The following RTN3 variants were observed in gnomAD, a reference collection of about 807,000 sequenced individuals.
RTN3 encodes reticulon-3.
A neutral mutation model predicts 77.8 loss-of-function variants in RTN3; 49 were observed. That is an observed-to-expected ratio of 0.63 (90% confidence interval 0.50 to 0.80). The LOEUF (loss-of-function observed/expected upper bound fraction) is 0.80, where lower values mean the gene tolerates loss of function less well. Among genes scored for constraint, RTN3 ranks in the 30% least tolerant of loss-of-function variants. The pLI, the probability that RTN3 is intolerant of heterozygous loss-of-function variation, is 0.00. For missense variants in RTN3, 1,236 were observed against 1,211.9 expected, an observed-to-expected ratio of 1.02 and a Z score of -0.29; for synonymous variants, 464 against 446.9, an observed-to-expected ratio of 1.04 and a Z score of -0.48.
In RTN3 at chr11:63,704,849, A is replaced by G; in HGVS notation, c.143-2A>G. 1 of 1,606,292 alleles carries G rather than the reference A, an allele frequency of 6.2e-7. No individual in the cohort carries two copies. Among genetic ancestry groups the G allele is most frequent in the Non-Finnish European group, 8.5e-7 (1 of 1,173,238 alleles). On this transcript the variant is annotated splice_acceptor_variant, in intron 1 of 8. Transcript: ENST00000377819. LOFTEE classifies it high-confidence loss of function. ...ATTCTCATGCTGTATATTTTCTTTC[A>G]GATTCCTTTGTTTCTTCCTCTTCCT...
intron 3 of RTN3, among the ~76,000 whole-genome samples, chr11:63,729,348 C>T (rs562422070): frequency 1.3e-5 from 2 of 148,560 alleles, no homozygotes; most frequent in African/African-American, 5.0e-5. Context: ...ATTGTAATAA[C>T]GTGTATAGAG....
intron 1 of RTN3, among the ~76,000 whole-genome samples, chr11:63,684,916 C>T (rs1281145098): frequency 3.3e-5 from 5 of 151,534 alleles, no homozygotes; most frequent in Admixed American, 1.3e-4. Flanking sequence ...TGCACCACCA[C>T]GCCCAGATAA....
chr11:63,702,140 G>C lies in RTN3; in HGVS notation c.143-2711G>C, dbSNP rs545205951. 9.9e-5 allele frequency among the ~76,000 whole-genome samples: 15 copies of C among 152,080 alleles called. No homozygotes were observed. The South Asian group carries it at 2.9e-3, about 29-fold the overall frequency. On this transcript the variant is annotated intron_variant, in intron 1 of 8. Coordinates refer to ENST00000377819, the MANE Select transcript of RTN3 (RefSeq NM_001265589.2). ...TATTTGTGAAAATATTTTTATAATT[G>C]CAAGATAAAAGGGAGTTAATATGTA...
At chr11:63,691,181 C>G (rs1941638228) in intron 1 of RTN3, among the ~76,000 whole-genome samples, 1 of 135,468 alleles carries the variant, frequency 7.4e-6, no homozygotes, top group African/African-American at 2.8e-5. Flanking sequence ...AGTGCAGTGG[C>G]ACGATCTCTG....
chr11:63,738,195 AAC>A (rs1274385384), intron 3 of RTN3, among the ~76,000 whole-genome samples: 1 of 152,186 alleles, frequency 6.6e-6, no homozygotes, highest in African/African-American at 2.4e-5. Context: ...CCCCTTTATT[AAC>A]AGTTTCCTTT....
intron 1 of RTN3, among the ~76,000 whole-genome samples, chr11:63,694,238 G>GT (rs1440177297): frequency 6.6e-6 from 1 of 150,966 alleles, no homozygotes; most frequent in African/African-American, 2.4e-5. Flanking sequence ...GTGCAATGGC[G>GT]TGATCTCGGC....
At chr11:63,705,923 C>T (rs971408571) in intron 2 of RTN3, among the ~76,000 whole-genome samples, 2 of 152,262 alleles carry the variant, frequency 1.3e-5, no homozygotes, top group South Asian at 2.1e-4. Flanking sequence ...TTATTTCATT[C>T]GTGCTGTTTT....
intron 2 of RTN3, among the ~76,000 whole-genome samples, chr11:63,711,813 C>T (rs1406921756): frequency 6.6e-6 from 1 of 152,172 alleles, no homozygotes; most frequent in African/African-American, 2.4e-5. Flanking sequence ...ATCCACCTGC[C>T]TCAGCATCCC....
In RTN3 at chr11:63,719,454, A is replaced by G. The variant is rs2011596817; in HGVS notation, c.952A>G (p.Thr318Ala). Residue 318 changes from threonine (T) to alanine (A), a missense_variant, in exon 3 of 9, where the codon ACA becomes GCA. This residue lies in a region of RTN3 where 1,056 missense variants were observed against 990.4 expected (regional missense o/e 1.07). Coordinates refer to ENST00000377819, the MANE Select transcript of RTN3 (RefSeq NM_001265589.2). ...ATTGCTCAGTAGGCAGTTTTCACAC[A>G]CAAATGCAGCACTGGAAGAGGTGTC... Reference protein sequence around the residue: ...SALLSRQFSHTNAALEEVSRC... With the variant: ...SALLSRQFSHANAALEEVSRC... 6.2e-7 allele frequency: 1 copy of G among 1,614,176 alleles called. No homozygotes were observed. The highest frequency in any genetic ancestry group is 2.2e-5 in the East Asian group (1 of 44,878).
chr11:63,691,596 C>G (rs1590780967), intron 1 of RTN3, among the ~76,000 whole-genome samples: 1 of 152,114 alleles, frequency 6.6e-6, no homozygotes, highest in Non-Finnish European at 1.5e-5. Context: ...ACAGTCTTCT[C>G]AATCTCAATA....
At chr11:63,688,875 G>A (rs1010957829) in intron 1 of RTN3, among the ~76,000 whole-genome samples, 12 of 152,196 alleles carry the variant, frequency 7.9e-5, no homozygotes, top group Non-Finnish European at 7.3e-5. Flanking sequence ...TCTGGTTGAA[G>A]GGAAAAGGGA....
chr11:63,753,179 GT>G lies in RTN3; in HGVS notation c.2947+44del, dbSNP rs755757261. On this transcript the variant is annotated intron_variant, in intron 6 of 8. Coordinates refer to ENST00000377819, the MANE Select transcript of RTN3 (RefSeq NM_001265589.2). ...GAATGTGCCCATGCTCTTTGAAGTA[GT>G]TTGTAAGAATAAGAGTGAAGAGAAA... The G allele has an allele frequency of 2.5e-6, 4 of 1,570,702 alleles. No homozygotes were observed. The South Asian group carries it at 4.4e-5, about 17-fold the overall frequency.
At chr11:63,730,632 T>C (rs1170045705) in intron 3 of RTN3, among the ~76,000 whole-genome samples, 12 of 151,956 alleles carry the variant, frequency 7.9e-5, no homozygotes, top group Non-Finnish European at 1.8e-4. Flanking sequence ...TACCCTGGAG[T>C]TTTTTTGTAG....
intron 1 of RTN3, among the ~76,000 whole-genome samples, chr11:63,702,764 C>G (rs1386674194): frequency 6.6e-6 from 1 of 151,434 alleles, no homozygotes; most frequent in Non-Finnish European, 1.5e-5. Flanking sequence ...CGGCTCACTG[C>G]AAACTCCGCC....
At chr11:63,708,886 A>G (rs1942617158) in intron 2 of RTN3, among the ~76,000 whole-genome samples, 1 of 152,222 alleles carries the variant, frequency 6.6e-6, no homozygotes, top group Non-Finnish European at 1.5e-5. Flanking sequence ...TAAAACATAC[A>G]AAGATATTGA....
intron 1 of RTN3, among the ~76,000 whole-genome samples, chr11:63,703,011 G>T (rs1040532148): frequency 6.6e-6 from 1 of 151,922 alleles, no homozygotes; most frequent in Non-Finnish European, 1.5e-5. Context: ...AGTTTAATTC[G>T]TAGATGGACT....
In RTN3 at chr11:63,716,979, CAAAAAAAA is replaced by C. The variant is rs6144367; in HGVS notation, c.200-1714_200-1707del. Among the ~76,000 whole-genome samples the C allele has an allele frequency of 3.1e-3, 367 of 120,278 alleles. 4 individuals carry two copies. The highest frequency in any genetic ancestry group is 7.1e-3 in the South Asian group (28 of 3,966). The allele number at this position is 120,278 out of a possible 152,430, so 78.9% of individuals were successfully genotyped here. On this transcript the variant is annotated intron_variant, in intron 2 of 8. Coordinates refer to ENST00000377819, the MANE Select transcript of RTN3 (RefSeq NM_001265589.2). The stretch of plus-strand genomic sequence containing the variant: ...GCAAGACTCCGTCTCAAAAAAAAAA[CAAAAAAAA>C]AAAAAAAAGAAAAGAAAGTTTAAAA...
In RTN3 at chr11:63,758,241, A is replaced by G. The variant is rs765688711; in HGVS notation, c.*40A>G. On this transcript the variant is annotated 3_prime_UTR_variant, in exon 9 of 9. Transcript: ENST00000377819. ...GAAATGCAACAGTTACTAAAACACC[A>G]TTTAATAGTTATAACGTCGTTACTT... 3.2e-5 allele frequency: 51 copies of G among 1,613,728 alleles called. No individual in the cohort carries two copies. The highest frequency in any genetic ancestry group is 4.2e-5 in the Non-Finnish European group (50 of 1,179,900).
chr11:63,701,422 C>T (rs1411883934), intron 1 of RTN3, among the ~76,000 whole-genome samples: 1 of 152,060 alleles, frequency 6.6e-6, no homozygotes, highest in African/African-American at 2.4e-5. Flanking sequence ...TAAAAAGTCC[C>T]ATATTTTATT....
Sources: gnomAD v4.1 joint callset for allele counts (sites outside exome capture counted in the v4.1 genomes callset) on GRCh38, gnomAD v4.1.1 for gene constraint, gnomAD v4.1.1 regional missense constraint, MANE v1.5 for transcripts, NCBI Gene and HGNC (gene_info 2026-07-23, HGNC 2026-07-21) for gene names.